The following NUDT2 variants were observed in gnomAD, a reference collection of about 807,000 sequenced individuals.
NUDT2 encodes the protein nudix hydrolase 2.
A neutral mutation model predicts 14.2 loss-of-function variants in NUDT2; 12 were observed. The ratio of observed to expected loss-of-function variants is 0.84; its 90% CI spans 0.54 to 1.37. The LOEUF (loss-of-function observed/expected upper bound fraction) is 1.37, where lower values mean the gene tolerates loss of function less well. Ranked by LOEUF, NUDT2 falls within the 40% of genes most tolerant of loss-of-function variation. The pLI is 0.00. For synonymous variants in NUDT2, 67 were observed against 67.4 expected, an observed-to-expected ratio of 0.99 and a Z score of 0.03; for missense variants, 167 against 176.7, an observed-to-expected ratio of 0.95 and a Z score of 0.31.
At chr9:34,340,281 G>A (rs531216191) in intron 4 of NUDT2, among the ~76,000 whole-genome samples, 3 of 152,308 alleles carry the variant, frequency 2.0e-5, no homozygotes, top group African/African-American at 7.2e-5. Flanking sequence ...GTTCTACAGT[G>A]TTTCTGAACA....
intron 1 of NUDT2, among the ~76,000 whole-genome samples, chr9:34,335,407 T>A (rs2131855983): frequency 6.6e-6 from 1 of 152,340 alleles, no homozygotes; most frequent in South Asian, 2.1e-4. Context: ...GTCTACTCCT[T>A]ATAATAAATC....
At chr9:34,332,370 G>C (rs1363505529) in intron 1 of NUDT2, among the ~76,000 whole-genome samples, 1 of 152,024 alleles carries the variant, frequency 6.6e-6, no homozygotes, top group East Asian at 1.9e-4. Context: ...TCCATCTTAC[G>C]TTGCACAAAA....
At position 34,343,395 on chromosome 9, in the gene NUDT2, A is replaced by G; in HGVS notation, c.399A>G (p.Ala133=). The G allele has an allele frequency of 6.2e-7, 1 of 1,611,542 alleles. No homozygotes were observed. Among genetic ancestry groups the G allele is most frequent in the Non-Finnish European group, 8.5e-7 (1 of 1,178,156 alleles). Residue 133 remains alanine, a synonymous_variant, in exon 5 of 5, where the codon GCA becomes GCG. Coordinates refer to ENST00000379158, the MANE Select transcript of NUDT2 (RefSeq NM_001161.5). ...CQLAQFKEMK[A]ALQEGHQFLC... ...TGGCTCAGTTCAAGGAGATGAAGGC[A>G]GCGCTCCAAGAAGGACACCAGTTTC...
intron 1 of NUDT2, among the ~76,000 whole-genome samples, chr9:34,334,756 T>A (rs1838043445): frequency 6.6e-6 from 1 of 152,180 alleles, no homozygotes; most frequent in African/African-American, 2.4e-5. Context: ...CTGCCAGAGG[T>A]ACCAGCAGAG....
At chr9:34,333,803 G>A (rs553661271) in intron 1 of NUDT2, among the ~76,000 whole-genome samples, 1 of 152,242 alleles carries the variant, frequency 6.6e-6, no homozygotes, top group South Asian at 2.1e-4. Context: ...ATAGACTTTG[G>A]AGTTAGACTT....
At chr9:34,341,792 G>A (rs891205893) in intron 4 of NUDT2, among the ~76,000 whole-genome samples, 5 of 152,200 alleles carry the variant, frequency 3.3e-5, no homozygotes, top group African/African-American at 9.7e-5. Context: ...TTACAGGCAT[G>A]AGCCACCGCC....
At chr9:34,334,333 C>A (rs879767282) in intron 1 of NUDT2, among the ~76,000 whole-genome samples, 3 of 152,132 alleles carry the variant, frequency 2.0e-5, no homozygotes, top group Non-Finnish European at 4.4e-5. Flanking sequence ...TTCTAACCAC[C>A]TCAGGCACTC....
chr9:34,332,648 C>T lies in NUDT2; in HGVS notation c.-265+3049C>T, dbSNP rs80006280. ...CTGACTTTGGCCTTATCCTAGAAGC[C>T]AATATTTATGCCATTACAGGTAAAA... is the stretch of plus-strand genomic sequence containing the variant. On this transcript the variant is annotated intron_variant, in intron 1 of 4. Transcript: ENST00000379158. 4.0e-3 allele frequency among the ~76,000 whole-genome samples: 612 copies of T among 152,232 alleles called. 22 individuals are homozygous for T. In the East Asian group the frequency reaches 0.11, roughly 26 times the overall value.
At chr9:34,341,163 C>T (rs915935920) in intron 4 of NUDT2, among the ~76,000 whole-genome samples, 7 of 152,204 alleles carry the variant, frequency 4.6e-5, no homozygotes, top group African/African-American at 9.7e-5. Flanking sequence ...CACTTGTCTC[C>T]GGATCACATG....
chr9:34,330,985 CT>C (rs1290269700), intron 1 of NUDT2, among the ~76,000 whole-genome samples: 1 of 151,970 alleles, frequency 6.6e-6, no homozygotes, highest in Non-Finnish European at 1.5e-5. Context: ...AGCTATTATT[CT>C]TATAATAAGA....
intron 2 of NUDT2, among the ~76,000 whole-genome samples, chr9:34,336,936 T>C (rs1216329644): frequency 1.3e-5 from 2 of 151,808 alleles, no homozygotes; most frequent in Admixed American, 6.6e-5. Context: ...TATTTGTTTC[T>C]GGCTCTTTTC....
At chr9:34,334,046 A>T (rs2131854474) in intron 1 of NUDT2, among the ~76,000 whole-genome samples, 1 of 152,304 alleles carries the variant, frequency 6.6e-6, no homozygotes, top group East Asian at 1.9e-4. Flanking sequence ...TGCTAAAGGG[A>T]TATTAGAATA....
At chr9:34,341,915 C>T (rs563937203) in intron 4 of NUDT2, among the ~76,000 whole-genome samples, 10 of 152,276 alleles carry the variant, frequency 6.6e-5, no homozygotes, top group African/African-American at 1.7e-4. Flanking sequence ...AGTTCCTGCT[C>T]GCCATGAGCC....
chr9:34,342,993 TG>T, intron 4 of NUDT2, 130 bp from the exon 5 acceptor site: 2 of 789,708 alleles, frequency 2.5e-6, no homozygotes, highest in Non-Finnish European at 4.1e-6. Flanking sequence ...TACTGCACTC[TG>T]GCCTGGGCAA....
intron 2 of NUDT2, among the ~76,000 whole-genome samples, chr9:34,338,468 A>G (rs2131858973): frequency 6.7e-6 from 1 of 148,912 alleles, no homozygotes; most frequent in South Asian, 2.1e-4. Context: ...TGATCACACC[A>G]TTGCACTCCA....
At chr9:34,332,181 C>T (rs1327071285) in intron 1 of NUDT2, among the ~76,000 whole-genome samples, 1 of 152,190 alleles carries the variant, frequency 6.6e-6, no homozygotes, top group Non-Finnish European at 1.5e-5. Context: ...TCATTGCCTA[C>T]AGAATATAAA....
chr9:34,339,150 C>G lies in NUDT2; in HGVS notation c.111C>G (p.His37Gln). The G allele has an allele frequency of 1.2e-6, 2 of 1,613,790 alleles. No homozygotes were observed. Among genetic ancestry groups the G allele is most frequent in the Non-Finnish European group, 1.7e-6 (2 of 1,179,684 alleles). The part of the protein sequence containing the change: ...LLLQASDGIH[H>Q]WTPPKGHVEP... ...TGCAGGCATCAGATGGCATTCATCACTGGACTCCTCCCAAAGGTAGAGGCC... is the reference window on the plus strand; with the variant it reads ...TGCAGGCATCAGATGGCATTCATCAGTGGACTCCTCCCAAAGGTAGAGGCC... The change falls in exon 4 of 5, where the codon CAC becomes CAG. Residue 37 changes from histidine to glutamine, a missense_variant. His to Gln is a conservative substitution (Grantham distance 24). Transcript: ENST00000379158.
intron 1 of NUDT2, among the ~76,000 whole-genome samples, chr9:34,332,980 G>C (rs1050324311): frequency 6.6e-6 from 1 of 152,178 alleles, no homozygotes; most frequent in African/African-American, 2.4e-5. Context: ...TGGGAGGTGA[G>C]GGAGTAGTCA....
chr9:34,341,635 G>A (rs901506189), intron 4 of NUDT2, among the ~76,000 whole-genome samples: 2 of 152,114 alleles, frequency 1.3e-5, no homozygotes, highest in Non-Finnish European at 2.9e-5. Context: ...TCAGCCTCCC[G>A]AGTAGCTGGG....
Sources: gnomAD v4.1 joint callset for allele counts (sites outside exome capture counted in the v4.1 genomes callset) on GRCh38, gnomAD v4.1.1 for gene constraint, MANE v1.5 for transcripts, NCBI Gene and HGNC (gene_info 2026-07-23, HGNC 2026-07-21) for gene names.